Variants in CNTLN observed in about 807,000 individuals in gnomAD.
CNTLN encodes the protein centlein.
In CNTLN, 212 loss-of-function variants were observed where a neutral mutation model predicts 180.0. That is an observed-to-expected ratio of 1.18 (90% CI 1.05 to 1.32). The LOEUF is 1.32. Ranked by LOEUF, CNTLN falls within the 40% of genes most tolerant of loss-of-function variation. The probability of loss-of-function intolerance (pLI) is 0.00; values close to 1 mark genes in which losing one functional copy is unlikely to be tolerated. For missense variants in CNTLN, 2,095 were observed against 1,610.9 expected, an observed-to-expected ratio of 1.30 and a Z score of -5.14; for synonymous variants, 722 against 563.1, an observed-to-expected ratio of 1.28 and a Z score of -3.99.
intron 5 of CNTLN, among the ~76,000 whole-genome samples, chr9:17,248,772 C>T (rs909644521): frequency 4.0e-5 from 6 of 151,360 alleles, no homozygotes; most frequent in Non-Finnish European, 7.4e-5. Flanking sequence ...CAAACCTGAA[C>T]GGACCAGTAA....
intron 2 of CNTLN, among the ~76,000 whole-genome samples, chr9:17,202,500 G>A (rs902284731): frequency 2.0e-5 from 3 of 152,050 alleles, no homozygotes; most frequent in Non-Finnish European, 2.9e-5. Context: ...ATGAATCTGG[G>A]TGTTCCTGTA....
At chr9:17,425,629 G>A (rs1409103661) in intron 18 of CNTLN, among the ~76,000 whole-genome samples, 1 of 152,136 alleles carries the variant, frequency 6.6e-6, no homozygotes, top group African/African-American at 2.4e-5. Flanking sequence ...GATTTTTGAG[G>A]TGCATGCTGG....
chr9:17,433,859 G>T (rs896026387), intron 18 of CNTLN, among the ~76,000 whole-genome samples: 17 of 152,118 alleles, frequency 1.1e-4, no homozygotes, highest in Admixed American at 3.3e-4. Context: ...GGGATTATAG[G>T]CATGAACTAC....
At chr9:17,205,178 C>T (rs1822832166) in intron 2 of CNTLN, among the ~76,000 whole-genome samples, 1 of 152,182 alleles carries the variant, frequency 6.6e-6, no homozygotes, top group Non-Finnish European at 1.5e-5. Flanking sequence ...ACTTGGCTCC[C>T]TGGCTTCAGC....
rs369729227 is a variant in CNTLN, at chr9:17,312,364, T to TATTA, written c.1341+3112_1341+3113insATTA. Among the ~76,000 whole-genome samples the TATTA allele has an allele frequency of 2.2e-3, 44 of 20,176 alleles. 1 individual carries two copies. The highest frequency in any genetic ancestry group is 0.014 in the East Asian group (10 of 692). The allele number at this position is 20,176 out of a possible 152,430, so 13.2% of individuals were successfully genotyped here. A position where few individuals can be genotyped will look rare whatever the true frequency, so the allele number is the denominator to read the frequency against. On this transcript the variant is annotated intron_variant, in intron 8 of 25. Transcript: ENST00000380647. ...GTATTTATATATATATATATATATA[T>TATTA]TATATATATATATATATATAATTTA...
Position 17,487,186 on chromosome 9 carries a change from G to C in CNTLN, c.4119+120G>C, listed in dbSNP as rs750241338. 4.2e-5 allele frequency: 30 copies of C among 713,486 alleles called. No individual in the cohort carries two copies. The South Asian group carries it at 4.8e-4, about 12-fold the overall frequency. The allele number at this position is 713,486 out of a possible 1,614,324, so 44.2% of individuals were successfully genotyped here. On this transcript the variant is annotated intron_variant, in intron 25 of 25. Transcript: ENST00000380647. Reference sequence around the variant, plus strand: ...CCATTGTTTACTTCTGTTAGGTAAAGAAGTATTCCAATAGGTAGAAAGGAA... The same window carrying C: ...CCATTGTTTACTTCTGTTAGGTAAACAAGTATTCCAATAGGTAGAAAGGAA...
At chr9:17,386,544 A>G (rs1825697537) in intron 13 of CNTLN, among the ~76,000 whole-genome samples, 1 of 152,204 alleles carries the variant, frequency 6.6e-6, no homozygotes, top group Admixed American at 6.5e-5. Flanking sequence ...GAAGAGAAAG[A>G]GAATCAAGGG....
rs1831215999 is a variant in CNTLN, at chr9:17,457,747, T to G, written c.3306+32T>G. The G allele has an allele frequency of 5.5e-6, 7 of 1,268,002 alleles. No homozygotes were observed. In the East Asian group the frequency reaches 2.0e-4, roughly 36 times the overall value. 78.5% of individuals were successfully genotyped at this position (1,268,002 alleles called of 1,614,324 possible). The stretch of plus-strand genomic sequence containing the variant: ...ATAAAATTTATTAAGCATGAAAACA[T>G]ACATTATGCTTGAATCCTGCAAGAC... On this transcript the variant is annotated intron_variant, in intron 19 of 25. Coordinates refer to ENST00000380647, the MANE Select transcript of CNTLN (RefSeq NM_017738.4).
intron 3 of CNTLN, among the ~76,000 whole-genome samples, 187 bp downstream of exon 3, chr9:17,226,474 G>C (rs1178558607): frequency 6.6e-6 from 1 of 151,604 alleles, no homozygotes; most frequent in Admixed American, 6.6e-5. Context: ...GTACCCTTTT[G>C]TTTTCTGAAT....
intron 18 of CNTLN, among the ~76,000 whole-genome samples, chr9:17,452,181 C>T (rs573063920): frequency 2.6e-5 from 4 of 152,074 alleles, no homozygotes; most frequent in African/African-American, 4.8e-5. Flanking sequence ...TTTTTTTCTA[C>T]GCCCTTTATT....
chr9:17,255,927 G>C (rs373136505), intron 5 of CNTLN, among the ~76,000 whole-genome samples: 1 of 151,842 alleles, frequency 6.6e-6, no homozygotes. Flanking sequence ...ATTATCCAAT[G>C]TGTTAGAATA....
chr9:17,439,194 T>C (rs1482938663), intron 18 of CNTLN, among the ~76,000 whole-genome samples: 2 of 152,178 alleles, frequency 1.3e-5, no homozygotes, highest in East Asian at 3.9e-4. Flanking sequence ...AATTCATGTA[T>C]TGATAATATC....
chr9:17,145,706 CTACTCACG>C (rs1818408981), intron 2 of CNTLN, among the ~76,000 whole-genome samples: 1 of 152,132 alleles, frequency 6.6e-6, no homozygotes, highest in Admixed American at 6.5e-5. Flanking sequence ...ATTTCTAAAC[CTACTCACG>C]TTTGTCATCA....
intron 18 of CNTLN, among the ~76,000 whole-genome samples, chr9:17,429,609 G>A (rs1587971382): frequency 6.6e-6 from 1 of 151,894 alleles, no homozygotes; most frequent in South Asian, 2.1e-4. Flanking sequence ...GAATATCCAT[G>A]AGTTAATTGG....
rs142766493 is a variant in CNTLN at position 17,306,230 on chromosome 9, A to C, written c.1147-2828A>C. On this transcript the variant is annotated intron_variant, in intron 7 of 25. Coordinates refer to ENST00000380647, the MANE Select transcript of CNTLN (RefSeq NM_017738.4). Reference sequence around the variant, plus strand: ...AATGGCACGATCTCATCTCATTGCAACCTCTGCCTCCTGGGTTCAAGTGAT... The same window carrying C: ...AATGGCACGATCTCATCTCATTGCACCCTCTGCCTCCTGGGTTCAAGTGAT... 2.0e-4 allele frequency among the ~76,000 whole-genome samples: 30 copies of C among 149,718 alleles called. 1 individual carries two copies. The highest frequency in any genetic ancestry group is 1.7e-3 in the Admixed American group (26 of 14,858).
chr9:17,321,835 A>G (rs1452120349), intron 8 of CNTLN, among the ~76,000 whole-genome samples: 2 of 152,012 alleles, frequency 1.3e-5, no homozygotes, highest in Non-Finnish European at 2.9e-5. Context: ...TATTGTTTCT[A>G]TTCCATTTTT....
intron 10 of CNTLN, among the ~76,000 whole-genome samples, chr9:17,336,835 T>C (rs960801447): frequency 3.3e-5 from 5 of 152,190 alleles, no homozygotes; most frequent in Admixed American, 6.5e-5. Flanking sequence ...TAGGTATTTC[T>C]CTAAATGCTG....
chr9:17,343,596 C>T (rs191511070), intron 12 of CNTLN, among the ~76,000 whole-genome samples: 215 of 152,230 alleles, frequency 1.4e-3, no homozygotes, highest in African/African-American at 4.9e-3. Flanking sequence ...AATGAAGGCT[C>T]TTATCTTGAA....
At chr9:17,364,073 A>G (rs1486851617) in intron 12 of CNTLN, among the ~76,000 whole-genome samples, 1 of 152,154 alleles carries the variant, frequency 6.6e-6, no homozygotes, top group African/African-American at 2.4e-5. Flanking sequence ...AGTTTCACTA[A>G]GACATTTTTA....
Sources: gnomAD v4.1 joint callset for allele counts (sites outside exome capture counted in the v4.1 genomes callset) on GRCh38, gnomAD v4.1.1 for gene constraint, MANE v1.5 for transcripts, NCBI Gene and HGNC (gene_info 2026-07-23, HGNC 2026-07-21) for gene names.